Variants in CDK5RAP2 observed in about 807,000 individuals in gnomAD.
The protein encoded by CDK5RAP2 is CDK5 regulatory subunit associated protein 2.
In CDK5RAP2, 147 loss-of-function variants were observed where a neutral mutation model predicts 232.9. The ratio of observed to expected loss-of-function variants is 0.63; its 90% CI spans 0.55 to 0.72. The LOEUF is 0.72. CDK5RAP2 is among the 30% of genes least tolerant of loss of function. The pLI is 0.00. For missense variants in CDK5RAP2, 2,195 were observed against 2,231.5 expected (o/e 0.98, Z 0.33); for synonymous variants, 833 against 833.7 (o/e 1.00, Z 0.01).
At chr9:120,486,442 G>GT (rs1213052013) in intron 14 of CDK5RAP2, among the ~76,000 whole-genome samples, 1 of 149,056 alleles carries the variant, frequency 6.7e-6, no homozygotes. Flanking sequence ...CTGGCCTACA[G>GT]TTAATTCTTT....
intron 27 of CDK5RAP2, among the ~76,000 whole-genome samples, chr9:120,416,916 T>G (rs944245291): frequency 4.6e-5 from 7 of 152,250 alleles, no homozygotes; most frequent in Non-Finnish European, 8.8e-5. Flanking sequence ...AATTTTACCA[T>G]GAATTTGAAT....
At chr9:120,480,708 C>T (rs2038255497) in intron 14 of CDK5RAP2, among the ~76,000 whole-genome samples, 1 of 152,112 alleles carries the variant, frequency 6.6e-6, no homozygotes, top group African/African-American at 2.4e-5. Flanking sequence ...CAAAAGGATG[C>T]AGAGGGCAAG....
intron 27 of CDK5RAP2, among the ~76,000 whole-genome samples, chr9:120,417,215 A>C (rs1347965045): frequency 6.8e-6 from 1 of 147,992 alleles, no homozygotes; most frequent in Non-Finnish European, 1.5e-5. Flanking sequence ...GTGCTCCTTA[A>C]ATTCCTGGCG....
chr9:120,513,352 C>A (rs961450398), intron 12 of CDK5RAP2, among the ~76,000 whole-genome samples: 14 of 152,182 alleles, frequency 9.2e-5, no homozygotes, highest in Admixed American at 8.5e-4. Flanking sequence ...CATAGCCAAC[C>A]CTACCCCACC....
intron 12 of CDK5RAP2, among the ~76,000 whole-genome samples, chr9:120,497,911 C>T (rs2039387836): frequency 6.6e-6 from 1 of 152,144 alleles, no homozygotes; most frequent in African/African-American, 2.4e-5. Flanking sequence ...TAATCTAAGC[C>T]CAGGGCATAA....
intron 13 of CDK5RAP2, among the ~76,000 whole-genome samples, chr9:120,488,400 A>G (rs923302339): frequency 1.3e-5 from 2 of 152,250 alleles, no homozygotes; most frequent in African/African-American, 2.4e-5. Context: ...TCATTTTTCT[A>G]AAGTCCAATT....
At chr9:120,538,944 CTGAA>C in intron 6 of CDK5RAP2, 93 bp downstream of exon 6, 4 of 1,327,612 alleles carry the variant, frequency 3.0e-6, no homozygotes, top group Non-Finnish European at 4.3e-6. Flanking sequence ...GTTGTTTCTG[CTGAA>C]ACTGACGGTT....
intron 15 of CDK5RAP2, among the ~76,000 whole-genome samples, chr9:120,476,973 T>C (rs1418955342): frequency 6.6e-6 from 1 of 152,216 alleles, no homozygotes; most frequent in Non-Finnish European, 1.5e-5. Flanking sequence ...CCTATCTTAG[T>C]TTTCATGACC....
intron 32 of CDK5RAP2, 144 bp from the exon 33 acceptor site, chr9:120,404,257 CT>C (rs2033279505): frequency 1.4e-6 from 1 of 693,102 alleles, no homozygotes; most frequent in Non-Finnish European, 2.6e-6. Flanking sequence ...GGCCTCTGTC[CT>C]GCCAAGCCCA....
chr9:120,574,009 C>T (rs559843312), intron 1 of CDK5RAP2, among the ~76,000 whole-genome samples: 75 of 152,278 alleles, frequency 4.9e-4, no homozygotes, highest in African/African-American at 1.7e-3. Context: ...ATTACATTAA[C>T]TCCCACTGGC....
intron 28 of CDK5RAP2, among the ~76,000 whole-genome samples, chr9:120,414,438 A>G (rs1008616645): frequency 2.0e-5 from 3 of 152,244 alleles, no homozygotes; most frequent in African/African-American, 4.8e-5. Flanking sequence ...TGACAAATGG[A>G]CAGAATCATG....
intron 8 of CDK5RAP2, among the ~76,000 whole-genome samples, chr9:120,529,637 A>G (rs2041059500): frequency 6.6e-6 from 1 of 152,206 alleles, no homozygotes; most frequent in South Asian, 2.1e-4. Context: ...CTAACCAAAA[A>G]GGCAAGATGG....
intron 13 of CDK5RAP2, among the ~76,000 whole-genome samples, chr9:120,489,364 G>C (rs564144561): frequency 1.3e-5 from 2 of 152,236 alleles, no homozygotes; most frequent in African/African-American, 2.4e-5. Flanking sequence ...AACATAGCAG[G>C]CCCTTTCAAT....
At position 120,515,946 on chromosome 9, in the gene CDK5RAP2, C is replaced by A. The variant is rs540922986; in HGVS notation, c.1311+2481G>T. ...CTGTAAACTAGTTCAACCATTGTGG[C>A]AGTCAGTGTGGCGATTCCTCAGGGA... On this transcript the variant is annotated intron_variant, in intron 12 of 37. Transcript: ENST00000349780. Among the ~76,000 whole-genome samples the A allele has an allele frequency of 2.3e-3, 352 of 152,294 alleles. 2 individuals carry two copies. Among genetic ancestry groups the A allele is most frequent in the African/African-American group, 8.1e-3 (335 of 41,570 alleles).
chr9:120,539,049 A>G lies in CDK5RAP2; in HGVS notation c.499T>C (p.Leu167=). ...EDLLTKRILL[L]EKDVTAAQAE... ...AGGATTTCCAGACTTGCCTTTTCCAAAAGGAGTATTCTTTTAGTTAGGAGA... is the reference window on the plus strand; with the variant it reads ...AGGATTTCCAGACTTGCCTTTTCCAGAAGGAGTATTCTTTTAGTTAGGAGA... The change falls in exon 6 of 38, where the codon TTG becomes CTG. Residue 167 remains leucine (L), a synonymous_variant. Transcript: ENST00000349780. 6.2e-7 allele frequency: 1 copy of G among 1,614,088 alleles called. No homozygotes were observed.
chr9:120,570,982 C>T lies in CDK5RAP2; in HGVS notation c.127+992G>A, dbSNP rs374786694. On this transcript the variant is annotated intron_variant, in intron 2 of 37. Transcript: ENST00000349780. Reference sequence around the variant, plus strand: ...TTCGAGACCAGACTGGGCAACATGGCAAAACCGTCCTGCAAAAAATACAAA... The same window carrying T: ...TTCGAGACCAGACTGGGCAACATGGTAAAACCGTCCTGCAAAAAATACAAA... Among the ~76,000 whole-genome samples the T allele has an allele frequency of 6.8e-4, 104 of 152,238 alleles. 1 individual carries two copies. The South Asian group carries it at 0.013, about 19-fold the overall frequency.
chr9:120,395,181 C>A (rs1035349248), intron 35 of CDK5RAP2, among the ~76,000 whole-genome samples: 3 of 152,164 alleles, frequency 2.0e-5, no homozygotes, highest in Non-Finnish European at 2.9e-5. Context: ...CAGAACAACA[C>A]GTCCTGTATA....
chr9:120,414,969 T>A, intron 28 of CDK5RAP2, 71 bp downstream of exon 28: 1 of 1,568,874 alleles, frequency 6.4e-7, no homozygotes, highest in Non-Finnish European at 8.8e-7. Flanking sequence ...ACACAGATGC[T>A]TACTCAGGCA....
chr9:120,529,263 A>T (rs2041040606), intron 8 of CDK5RAP2, among the ~76,000 whole-genome samples: 1 of 152,354 alleles, frequency 6.6e-6, no homozygotes, highest in South Asian at 2.1e-4. Flanking sequence ...GACATGCAGC[A>T]GCTACTCCAA....
Sources: gnomAD v4.1 joint callset for allele counts (sites outside exome capture counted in the v4.1 genomes callset) on GRCh38, gnomAD v4.1.1 for gene constraint, MANE v1.5 for transcripts, NCBI Gene and HGNC (gene_info 2026-07-23, HGNC 2026-07-21) for gene names.